KCNAB1: variants seen among roughly 807,000 people sequenced by gnomAD.
KCNAB1 encodes potassium voltage-gated channel subfamily A regulatory beta subunit 1.
A neutral mutation model predicts 64.6 loss-of-function variants in KCNAB1; 35 were observed. The ratio of observed to expected loss-of-function variants is 0.54; its 90% CI spans 0.41 to 0.72. The LOEUF (loss-of-function observed/expected upper bound fraction) is 0.72, where lower values mean the gene tolerates loss of function less well. KCNAB1 is among the 30% of genes least tolerant of loss of function. The pLI, the probability that KCNAB1 is intolerant of heterozygous loss-of-function variation, is 0.00. For missense variants in KCNAB1, 401 were observed against 512.9 expected (o/e 0.78, Z 2.11); for synonymous variants, 177 against 183.8 (o/e 0.96, Z 0.30).
chr3:156,147,961 G>GCACGCACACGCACACGCACACGCA (rs35899836), intron 1 of KCNAB1, among the ~76,000 whole-genome samples: 1 of 150,446 alleles, frequency 6.6e-6, no homozygotes, highest in African/African-American at 2.5e-5. Context: ...ACACACACAC[G>GCACGCACACGCACACGCACACGCA]CACGCACACG....
intron 1 of KCNAB1, among the ~76,000 whole-genome samples, chr3:156,298,240 T>C (rs1720925456): frequency 6.6e-6 from 1 of 152,108 alleles, no homozygotes; most frequent in South Asian, 2.1e-4. Flanking sequence ...TCCAGTTCTA[T>C]GGTTCTGGAA....
intron 5 of KCNAB1, among the ~76,000 whole-genome samples, chr3:156,462,109 G>C (rs532833805): frequency 3.3e-5 from 5 of 152,352 alleles, no homozygotes; most frequent in African/African-American, 9.6e-5. Context: ...CATTTTGAAG[G>C]CTGTGCTGTA....
chr3:156,276,837 C>T (rs1006368071), intron 1 of KCNAB1, among the ~76,000 whole-genome samples: 6 of 152,230 alleles, frequency 3.9e-5, no homozygotes, highest in East Asian at 3.9e-4. Flanking sequence ...AAAACTTTTT[C>T]GCTATCAGCA....
At chr3:156,400,145 G>A (rs537008198) in intron 1 of KCNAB1, among the ~76,000 whole-genome samples, 106 of 152,320 alleles carry the variant, frequency 7.0e-4, no homozygotes, top group African/African-American at 2.3e-3. Flanking sequence ...ATATCTGTCA[G>A]TGATATAGAA....
At chr3:156,538,940 T>TATAA (rs1036670619), downstream of KCNAB1, 2 of 152,330 alleles carry the variant, frequency 1.3e-5, no homozygotes, top group East Asian at 1.9e-4. Flanking sequence ...CAAAACCAAA[T>TATAA]ATAAATATTA....
At position 156,351,977 on chromosome 3, in the gene KCNAB1, G is replaced by A. The variant is rs529293209; in HGVS notation, c.276-69639G>A. Among the ~76,000 whole-genome samples the A allele has an allele frequency of 3.9e-5, 6 of 152,310 alleles. No individual in the cohort carries two copies. The South Asian group carries it at 1.2e-3, about 32-fold the overall frequency. ...GGGGCCTCCTCAGGCTGTCTCTCAG[G>A]GCATGTTCTGAAGCCCCCTGCACTG... On this transcript the variant is annotated intron_variant, in intron 1 of 13. Coordinates refer to ENST00000490337, the MANE Select transcript of KCNAB1 (RefSeq NM_172160.3).
In KCNAB1 at chr3:156,504,756, T is replaced by TG. The variant is rs1189921964; in HGVS notation, c.659-9608_659-9607insG. 4.6e-5 allele frequency among the ~76,000 whole-genome samples: 7 copies of TG among 151,024 alleles called. 1 individual carries two copies. The highest frequency in any genetic ancestry group is 6.8e-3 in the Middle Eastern group (2 of 292). On this transcript the variant is annotated intron_variant, in intron 8 of 13. Transcript: ENST00000490337. ...GTTTTGTTTTTGTTTTTTTTGTTTT[T>TG]TTTTTTTTGCTGCTGAGTTGTTTGA...
At chr3:156,495,402 T>A (rs1380226411) in intron 8 of KCNAB1, among the ~76,000 whole-genome samples, 1 of 152,156 alleles carries the variant, frequency 6.6e-6, no homozygotes, top group Non-Finnish European at 1.5e-5. Context: ...GGAATATAAA[T>A]CATTCTATTA....
In KCNAB1 at chr3:156,297,259, CTTTTTT is replaced by C. The variant is rs71141704; in HGVS notation, c.276-124336_276-124331del. Among the ~76,000 whole-genome samples the C allele has an allele frequency of 3.1e-3, 303 of 96,514 alleles. 2 individuals carry two copies. Among genetic ancestry groups the C allele is most frequent in the African/African-American group, 8.7e-3 (294 of 33,710 alleles). The allele number at this position is 96,514 out of a possible 152,430, so 63.3% of individuals were successfully genotyped here. ...ATAACACAGTATGTATTGAGGTTGG[CTTTTTT>C]TTTTTTTTTTTTTTTTTTTTACTCA... On this transcript the variant is annotated intron_variant, in intron 1 of 13. Transcript: ENST00000490337.
intron 1 of KCNAB1, among the ~76,000 whole-genome samples, chr3:156,198,427 C>G (rs1295560966): frequency 6.6e-6 from 1 of 152,114 alleles, no homozygotes; most frequent in Non-Finnish European, 1.5e-5. Flanking sequence ...GAGTCTAAGT[C>G]TCTTTGTAGC....
chr3:156,514,507 G>T (rs1187179297), intron 9 of KCNAB1, 58 bp downstream of exon 9: 1 of 1,297,626 alleles, frequency 7.7e-7, no homozygotes, highest in East Asian at 2.3e-5. Flanking sequence ...CTTTTCAGAT[G>T]CCATGCATAA....
intron 1 of KCNAB1, among the ~76,000 whole-genome samples, chr3:156,232,054 C>G (rs532307443): frequency 4.5e-4 from 69 of 152,254 alleles, no homozygotes; most frequent in African/African-American, 1.6e-3. Flanking sequence ...GTTTTTGAAT[C>G]TAATGTTATT....
At chr3:156,308,625 G>C (rs1721674234) in intron 1 of KCNAB1, among the ~76,000 whole-genome samples, 1 of 152,212 alleles carries the variant, frequency 6.6e-6, no homozygotes. Context: ...TTAGCCTTGA[G>C]TTTGAATCCA....
rs756045030 is a variant in KCNAB1, at chr3:156,536,667, A to G, written c.1180A>G (p.Lys394Glu). 1 of 1,611,086 alleles carries G rather than the reference A, an allele frequency of 6.2e-7. No homozygotes were observed. Among genetic ancestry groups the G allele is most frequent in the Non-Finnish European group, 8.5e-7 (1 of 1,177,160 alleles). ...CTCCTCCTGCTCTCAGGTTCTCCCA[A>G]AGATGACATCACATGTGGTAAATGA... Reference protein sequence around the residue: ...ENLGAIQVLPKMTSHVVNEID... With the variant: ...ENLGAIQVLPEMTSHVVNEID... Residue 394 changes from lysine to glutamate, a missense_variant, in exon 14 of 14, where the codon AAG becomes GAG. By Grantham distance (56) the Lys-to-Glu change is moderately conservative. Coordinates refer to ENST00000490337, the MANE Select transcript of KCNAB1 (RefSeq NM_172160.3).
chr3:156,244,050 A>G (rs538618655), intron 1 of KCNAB1, among the ~76,000 whole-genome samples: 1 of 152,204 alleles, frequency 6.6e-6, no homozygotes, highest in African/African-American at 2.4e-5. Context: ...TACTCCATCC[A>G]CACCCATGCT....
chr3:156,462,920 G>A (rs1170157924), intron 5 of KCNAB1, among the ~76,000 whole-genome samples: 5 of 152,144 alleles, frequency 3.3e-5, no homozygotes, highest in African/African-American at 1.2e-4. Flanking sequence ...TGCTAGGATT[G>A]CATTTCCTGC....
intron 1 of KCNAB1, among the ~76,000 whole-genome samples, chr3:156,214,466 T>C (rs1005579125): frequency 3.3e-5 from 5 of 152,094 alleles, no homozygotes; most frequent in Non-Finnish European, 5.9e-5. Context: ...AGAATTGTTG[T>C]GTGAGTAGAG....
At chr3:156,491,636 A>G (rs899546491) in intron 8 of KCNAB1, among the ~76,000 whole-genome samples, 3 of 152,128 alleles carry the variant, frequency 2.0e-5, no homozygotes, top group African/African-American at 2.4e-5. Flanking sequence ...TTTAAATATC[A>G]TACTATATCT....
At chr3:156,157,537 C>CCCTTT (rs1371713423) in intron 1 of KCNAB1, among the ~76,000 whole-genome samples, 1 of 152,126 alleles carries the variant, frequency 6.6e-6, no homozygotes, top group Non-Finnish European at 1.5e-5. Context: ...TTATAGTGCT[C>CCCTTT]CCTTTGTTTT....
Sources: gnomAD v4.1 joint callset for allele counts (sites outside exome capture counted in the v4.1 genomes callset) on GRCh38, gnomAD v4.1.1 for gene constraint, MANE v1.5 for transcripts, NCBI Gene and HGNC (gene_info 2026-07-23, HGNC 2026-07-21) for gene names.